ASTN2: variants seen among roughly 807,000 people sequenced by gnomAD.
ASTN2 encodes astrotactin-2.
In ASTN2, 54 loss-of-function variants were observed where a neutral mutation model predicts 139.8. The observed-to-expected ratio is 0.39, with a 90% CI of 0.31 to 0.48. ASTN2 has a LOEUF of 0.48. ASTN2 is among the 20% of genes least tolerant of loss of function. The pLI, the probability that ASTN2 is intolerant of heterozygous loss-of-function variation, is 0.95. For missense variants in ASTN2, 1,565 were observed against 1,725.1 expected, an observed-to-expected ratio of 0.91 and a Z score of 1.64; for synonymous variants, 756 against 719.5, an observed-to-expected ratio of 1.05 and a Z score of -0.81.
chr9:116,722,775 C>A (rs1472936174), intron 16 of ASTN2, among the ~76,000 whole-genome samples: 9 of 152,166 alleles, frequency 5.9e-5, no homozygotes, highest in African/African-American at 2.2e-4. Context: ...CCAACCTACT[C>A]TACCGAGTTT....
intron 2 of ASTN2, among the ~76,000 whole-genome samples, chr9:117,281,693 A>C (rs887489953): frequency 6.6e-6 from 1 of 151,570 alleles, no homozygotes; most frequent in Admixed American, 6.6e-5. Context: ...ACACGCCCTG[A>C]CTCTCTTGCC....
chr9:116,487,435 G>A lies in ASTN2; in HGVS notation c.3421C>T (p.Arg1141Ter), dbSNP rs755917557. The change falls in exon 20 of 23, where the codon CGA (arginine) becomes TGA (stop). Residue 1141 changes from arginine (R) to a stop codon, truncating the protein, a stop_gained. Coordinates refer to ENST00000313400, the MANE Select transcript of ASTN2 (RefSeq NM_001365068.1). LOFTEE classifies it high-confidence loss of function. ...GLGTSCVAAG[R>*]SHGEVPEVSI... ...ACTTCAGGGACCTCTCCATGGCTTC[G>A]ACCAGCTGCTACACAAGATGTGCCC... 1.2e-6 allele frequency: 2 copies of A among 1,613,828 alleles called. No homozygotes were observed. The highest frequency in any genetic ancestry group is 2.2e-5 in the East Asian group (1 of 44,870).
intron 12 of ASTN2, among the ~76,000 whole-genome samples, chr9:116,806,472 G>T (rs924557467): frequency 2.0e-5 from 3 of 152,212 alleles, no homozygotes; most frequent in East Asian, 1.9e-4. Context: ...GGCTGGAGGG[G>T]ATGGGGATGG....
chr9:116,982,954 G>A (rs533552469), intron 7 of ASTN2, among the ~76,000 whole-genome samples: 1 of 152,302 alleles, frequency 6.6e-6, no homozygotes, highest in African/African-American at 2.4e-5. Flanking sequence ...CAGCAGCACA[G>A]AGGAGCTCAT....
chr9:116,460,927 G>C (rs572204006), intron 20 of ASTN2, among the ~76,000 whole-genome samples: 1 of 152,218 alleles, frequency 6.6e-6, no homozygotes, highest in African/African-American at 2.4e-5. Flanking sequence ...AGTTATTATA[G>C]AACAACCATT....
chr9:117,051,339 T>G (rs924074487), intron 5 of ASTN2, among the ~76,000 whole-genome samples: 1 of 152,232 alleles, frequency 6.6e-6, no homozygotes, highest in East Asian at 1.9e-4. Context: ...CATAAAAGCT[T>G]GCTAGTTCCT....
At chr9:117,107,934 G>T (rs944980) in intron 4 of ASTN2, among the ~76,000 whole-genome samples, 2 of 151,952 alleles carry the variant, frequency 1.3e-5, no homozygotes, top group Non-Finnish European at 2.9e-5. Context: ...CATAGTTGCA[G>T]TATTCCCTGA....
intron 17 of ASTN2, among the ~76,000 whole-genome samples, chr9:116,632,132 GAGA>G (rs1167528778): frequency 1.5e-5 from 1 of 68,202 alleles, no homozygotes; most frequent in African/African-American, 5.9e-5. Context: ...AAAAAGAAGA[GAGA>G]GAGAGAGAGA....
chr9:116,861,172 C>G (rs755203543), intron 11 of ASTN2, among the ~76,000 whole-genome samples: 29 of 150,030 alleles, frequency 1.9e-4, no homozygotes, highest in Non-Finnish European at 3.8e-4. Context: ...TTTAATTTTT[C>G]CAGTTTATAT....
chr9:116,738,979 G>T (rs1443635582), intron 13 of ASTN2, among the ~76,000 whole-genome samples: 1 of 151,362 alleles, frequency 6.6e-6, no homozygotes, highest in Non-Finnish European at 1.5e-5. Context: ...ACAAACAGTG[G>T]CTCTGCTGCT....
intron 7 of ASTN2, among the ~76,000 whole-genome samples, chr9:116,998,569 C>CCATCCATCCATCCATCCATCCATA (rs1348382240): frequency 1.3e-5 from 2 of 148,298 alleles, no homozygotes; most frequent in African/African-American, 4.9e-5. Flanking sequence ...ATCCATCCAT[C>CCATCCATCCATCCATCCATCCATA]CATACATCCA....
chr9:116,452,581 T>C (rs1275672512), intron 20 of ASTN2, among the ~76,000 whole-genome samples: 1 of 152,238 alleles, frequency 6.6e-6, no homozygotes, highest in Non-Finnish European at 1.5e-5. Flanking sequence ...GTCTTCTGTT[T>C]CCTTTACAAC....
intron 3 of ASTN2, among the ~76,000 whole-genome samples, chr9:117,150,411 C>T (rs776556394): frequency 2.0e-5 from 3 of 152,136 alleles, no homozygotes; most frequent in Non-Finnish European, 4.4e-5. Flanking sequence ...GGAGTTGATA[C>T]TATAGGCCCA....
intron 1 of ASTN2, among the ~76,000 whole-genome samples, chr9:117,332,822 A>G (rs181946164): frequency 2.0e-5 from 3 of 152,330 alleles, no homozygotes; most frequent in African/African-American, 7.2e-5. Context: ...GTTGGCCTTA[A>G]AAAGCTATGA....
At chr9:117,060,348 AAG>A (rs1440005920) in intron 5 of ASTN2, among the ~76,000 whole-genome samples, 1 of 52,680 alleles carries the variant, frequency 1.9e-5, no homozygotes, top group Non-Finnish European at 3.4e-5. Flanking sequence ...GAAAGAGAGA[AAG>A]AAAGAAAGAA....
At chr9:117,302,967 T>C (rs1178204206) in intron 1 of ASTN2, among the ~76,000 whole-genome samples, 2 of 152,148 alleles carry the variant, frequency 1.3e-5, no homozygotes, top group Non-Finnish European at 2.9e-5. Flanking sequence ...TCAGACCATG[T>C]CACCTGCCTG....
chr9:116,507,514 G>A (rs1850163899), intron 19 of ASTN2, among the ~76,000 whole-genome samples: 1 of 152,176 alleles, frequency 6.6e-6, no homozygotes, highest in Non-Finnish European at 1.5e-5. Context: ...TGGGCAGCCT[G>A]TTTGTTTGAA....
intron 10 of ASTN2, among the ~76,000 whole-genome samples, chr9:116,945,646 C>T (rs947069160): frequency 6.6e-6 from 1 of 151,944 alleles, no homozygotes; most frequent in East Asian, 1.9e-4. Flanking sequence ...TCCTTCCTTC[C>T]ACTTTCCTTC....
intron 20 of ASTN2, among the ~76,000 whole-genome samples, chr9:116,480,832 TA>T (rs1198476855): frequency 2.0e-5 from 3 of 151,966 alleles, no homozygotes; most frequent in African/African-American, 7.3e-5. Flanking sequence ...GAGTGGTGGG[TA>T]GGGGCAAGTG....
Sources: allele counts gnomAD v4.1 joint callset (sites outside exome capture counted in the v4.1 genomes callset), GRCh38; gene constraint gnomAD v4.1.1; transcripts MANE v1.5; gene names NCBI Gene and HGNC (gene_info 2026-07-23, HGNC 2026-07-21).